The following PCDHA1 variants were observed in gnomAD, a reference collection of about 807,000 sequenced individuals.
PCDHA1 encodes protocadherin alpha 1, also known as protocadherin alpha-1.
Under a neutral mutation model 61.3 loss-of-function variants are expected in PCDHA1, and 42 were observed. The observed-to-expected ratio is 0.69, with a 90% CI of 0.54 to 0.89. PCDHA1 has a LOEUF of 0.89. Among genes scored for constraint, PCDHA1 ranks in the 40% least tolerant of loss-of-function variants. The pLI, the probability that PCDHA1 is intolerant of heterozygous loss-of-function variation, is 0.00. For synonymous variants in PCDHA1, 610 were observed against 553.8 expected (o/e 1.10, Z -1.43); for missense variants, 1,256 against 1,235.3 (o/e 1.02, Z -0.25).
intron 1 of PCDHA1, among the ~76,000 whole-genome samples, chr5:140,894,192 T>C (rs1554185971): frequency 4.6e-5 from 7 of 152,168 alleles, no homozygotes; most frequent in Non-Finnish European, 1.5e-5. Flanking sequence ...TTATATATTT[T>C]TTCTATGCTA....
In PCDHA1 at chr5:140,786,264, G is replaced by A. The variant is rs1554117316; in HGVS notation, c.-27G>A. ...GGCATGATTTTGAAGTAAGAGGAGAGCATAAGAAAGGTGTAGTCCTTTTGC... is the reference window on the plus strand; with the variant it reads ...GGCATGATTTTGAAGTAAGAGGAGAACATAAGAAAGGTGTAGTCCTTTTGC... On this transcript the variant is annotated 5_prime_UTR_variant, in exon 1 of 4. Coordinates refer to ENST00000504120, the MANE Select transcript of PCDHA1 (RefSeq NM_018900.4). 1.9e-6 allele frequency: 3 copies of A among 1,557,096 alleles called. No homozygotes were observed. Among genetic ancestry groups the A allele is most frequent in the Non-Finnish European group, 2.6e-6 (3 of 1,154,560 alleles).
At chr5:140,916,296 G>C (rs2077516868) in intron 1 of PCDHA1, among the ~76,000 whole-genome samples, 1 of 152,094 alleles carries the variant, frequency 6.6e-6, no homozygotes, top group Admixed American at 6.5e-5. Flanking sequence ...TGGCCAAACT[G>C]GTACCAAAGG....
intron 1 of PCDHA1, chr5:140,821,721 C>T: frequency 2.7e-6 from 4 of 1,501,544 alleles, no homozygotes; most frequent in Non-Finnish European, 2.7e-6. Flanking sequence ...ATTGAATTTA[C>T]AAAATACATT....
intron 1 of PCDHA1, chr5:140,927,933 C>T (rs1273187123): frequency 1.9e-6 from 3 of 1,614,090 alleles, no homozygotes; most frequent in African/African-American, 2.7e-5. Context: ...CTCTTTCGAA[C>T]CCAGTACCTG....
chr5:140,843,097 G>T, intron 1 of PCDHA1: 1 of 1,595,704 alleles, frequency 6.3e-7, no homozygotes, highest in South Asian at 1.1e-5. Flanking sequence ...ACGTGGTAGC[G>T]AAGGTGCGCG....
intron 1 of PCDHA1, chr5:140,808,896 C>A: frequency 1.2e-6 from 2 of 1,613,416 alleles, no homozygotes; most frequent in Non-Finnish European, 8.5e-7. Flanking sequence ...GCGCCTCGGG[C>A]GGGTGGCACT....
intron 1 of PCDHA1, among the ~76,000 whole-genome samples, chr5:140,931,598 A>G (rs2087630191): frequency 6.6e-6 from 1 of 152,200 alleles, no homozygotes; most frequent in African/African-American, 2.4e-5. Context: ...GTCTTTTTCC[A>G]TCATTGTTGA....
chr5:140,842,387 T>A lies in PCDHA1; in HGVS notation c.2394+53703T>A, dbSNP rs2150335066. On this transcript the variant is annotated intron_variant, in intron 1 of 3. Coordinates refer to ENST00000504120, the MANE Select transcript of PCDHA1 (RefSeq NM_018900.4). ...CCCTGAGATAGCACTGACTTCCTTA[T>A]CCTTGCCTGTACGTGAAGACGCTCA... The A allele has an allele frequency of 8.7e-6, 14 of 1,611,016 alleles. 1 individual carries two copies. The South Asian group carries it at 1.4e-4, about 16-fold the overall frequency.
At chr5:140,866,158 A>G (rs560063709) in intron 1 of PCDHA1, 1 of 152,270 alleles carries the variant, frequency 6.6e-6, no homozygotes, top group East Asian at 1.9e-4. Context: ...ATAAGTAAGA[A>G]TCGTTTAACA....
intron 1 of PCDHA1, among the ~76,000 whole-genome samples, chr5:140,895,371 T>C (rs1554186488): frequency 1.3e-5 from 2 of 152,304 alleles, no homozygotes; most frequent in East Asian, 3.9e-4. Context: ...TTGGCACTTT[T>C]TGGAGTTCTT....
rs200630375 is a variant in PCDHA1, at chr5:140,857,325, C to A, written c.2394+68641C>A. 1.8e-5 allele frequency: 28 copies of A among 1,598,630 alleles called. 3 individuals are homozygous for A. The highest frequency in any genetic ancestry group is 3.4e-5 in the Admixed American group (2 of 59,352). Reference sequence around the variant, plus strand: ...TCGGCCTATGAGCTGGTGGTGACCGCGCGGGACGGGGGCTCGCCTCCGCTG... The same window carrying A: ...TCGGCCTATGAGCTGGTGGTGACCGAGCGGGACGGGGGCTCGCCTCCGCTG... On this transcript the variant is annotated intron_variant, in intron 1 of 3. Transcript: ENST00000504120.
intron 1 of PCDHA1, among the ~76,000 whole-genome samples, chr5:140,885,454 C>T (rs2060601415): frequency 6.6e-6 from 1 of 152,054 alleles, no homozygotes; most frequent in Admixed American, 6.5e-5. Flanking sequence ...TATTATTTAC[C>T]TAATGATGGG....
At chr5:140,859,799 T>C (rs2046021191) in intron 1 of PCDHA1, 1 of 152,502 alleles carries the variant, frequency 6.6e-6, no homozygotes. Flanking sequence ...AAATTATAGA[T>C]GCTAAGTTAA....
rs557129583 is a variant in PCDHA1 at position 140,853,604 on chromosome 5, G to A, written c.2394+64920G>A. The A allele has an allele frequency of 2.1e-4, 212 of 987,262 alleles. 18 individuals are homozygous for A. Among genetic ancestry groups the A allele is most frequent in the Non-Finnish European group, 2.2e-4 (180 of 819,618 alleles). 61.2% of individuals were successfully genotyped at this position (987,262 alleles called of 1,614,324 possible). A position where few individuals can be genotyped will look rare whatever the true frequency, so the allele number is the denominator to read the frequency against. ...ATCTTAGACACTTTGAGAGCAAAGG[G>A]GGTGCTGTAAATAAGTATACAAGAT... On this transcript the variant is annotated intron_variant, in intron 1 of 3. Coordinates refer to ENST00000504120, the MANE Select transcript of PCDHA1 (RefSeq NM_018900.4).
chr5:140,930,769 T>G (rs1373924244), intron 1 of PCDHA1, among the ~76,000 whole-genome samples: 2 of 152,214 alleles, frequency 1.3e-5, no homozygotes, highest in Non-Finnish European at 2.9e-5. Context: ...TTTTCTGTAC[T>G]TAATATTTTC....
intron 1 of PCDHA1, among the ~76,000 whole-genome samples, chr5:140,934,505 G>C (rs155823): frequency 0.32 from 48,260 of 151,744 alleles, 8,006 homozygotes; most frequent in East Asian, 0.53. Flanking sequence ...ACACCCAAAG[G>C]GTCCATAGAC....
chr5:140,875,982 T>C (rs782696437), intron 1 of PCDHA1: 8 of 1,613,890 alleles, frequency 5.0e-6, no homozygotes, highest in Middle Eastern at 1.6e-4. Context: ...TTTTGACCTA[T>C]GCGTTAAGTC....
At chr5:140,808,062 A>G in intron 1 of PCDHA1, 1 of 1,613,848 alleles carries the variant, frequency 6.2e-7, no homozygotes. Context: ...GTGAAATCCA[A>G]GTTTCACATA....
chr5:140,896,453 C>T (rs782013950), intron 1 of PCDHA1, among the ~76,000 whole-genome samples: 3 of 152,106 alleles, frequency 2.0e-5, no homozygotes, highest in Non-Finnish European at 2.9e-5. Context: ...ACCTCCACCT[C>T]CTGGGTTCAA....
Sources: allele counts gnomAD v4.1 joint callset (sites outside exome capture counted in the v4.1 genomes callset), GRCh38; gene constraint gnomAD v4.1.1; transcripts MANE v1.5; gene names NCBI Gene and HGNC (gene_info 2026-07-23, HGNC 2026-07-21).